The following AXL variants were observed in gnomAD, a reference collection of about 807,000 sequenced individuals.
AXL encodes tyrosine-protein kinase receptor UFO.
A neutral mutation model predicts 104.5 loss-of-function variants in AXL; 52 were observed. The ratio of observed to expected loss-of-function variants is 0.50; its 90% CI spans 0.40 to 0.63. AXL has a LOEUF of 0.63. Ranked by LOEUF, AXL falls within the 20% of genes least tolerant of loss-of-function variation. The pLI is 0.00. For synonymous variants in AXL, 455 were observed against 473.7 expected (o/e 0.96, Z 0.51); for missense variants, 1,024 against 1,188.5 (o/e 0.86, Z 2.04).
rs2034517693 is a variant in AXL at position 41,260,298 on chromosome 19, C to CATTTTTTTTTTTTTTTTTTT, written c.*394_*395insATTTTTTTTTTTTTTTTTTT. ...TAAAGTGCTAAGGTTCTAAGGCCTACTTTTTTTTTTTTTTTTTTTTTTTTT... is the reference window on the plus strand; with the variant it reads ...TAAAGTGCTAAGGTTCTAAGGCCTACATTTTTTTTTTTTTTTTTTTTTTTTTTTTTTTTTTTTTTTTTTTT... On this transcript the variant is annotated 3_prime_UTR_variant, in exon 20 of 20. Transcript: ENST00000301178. The CATTTTTTTTTTTTTTTTTTT allele has an allele frequency of 2.1e-5, 1 of 48,572 alleles. No homozygotes were observed. The allele number at this position is 48,572 out of a possible 1,614,324, so 3.0% of individuals were successfully genotyped here.
chr19:41,255,432 CT>C (rs1198856393), intron 17 of AXL, among the ~76,000 whole-genome samples: 2 of 147,632 alleles, frequency 1.4e-5, no homozygotes, highest in Non-Finnish European at 3.0e-5. Context: ...CTTTCTTTCC[CT>C]TTTTTTCTTT....
In AXL at chr19:41,259,793, T is replaced by C. The variant is rs758047598; in HGVS notation, c.2574T>C (p.Ala858=). 6.2e-6 allele frequency: 10 copies of C among 1,614,128 alleles called. 2 individuals carry two copies. The South Asian group carries it at 1.1e-4, about 18-fold the overall frequency. The part of the protein sequence containing the change: ...PKDSCSCLTA[A]EVHPAGRYVL... ...ATTCCTGTAGCTGCCTCACTGCGGC[T>C]GAGGTCCATCCTGCTGGACGCTATG... The change falls in exon 20 of 20, where the codon GCT becomes GCC. Residue 858 remains alanine, a synonymous_variant. Transcript: ENST00000301178.
chr19:41,248,843 G>A (rs1445701069), intron 14 of AXL, 23 bp downstream of exon 14: 71 of 1,580,716 alleles, frequency 4.5e-5, no homozygotes, highest in Non-Finnish European at 6.1e-5. Context: ...CACATGTGTA[G>A]GACCCCCAGC....
intron 13 of AXL, 62 bp from the exon 14 acceptor site, chr19:41,248,681 C>G: frequency 6.2e-7 from 1 of 1,611,702 alleles, no homozygotes; most frequent in Non-Finnish European, 8.5e-7. Flanking sequence ...TCCCACCCAA[C>G]TATAGGAAAT....
chr19:41,257,431 TGG>T, intron 18 of AXL, 60 bp from the exon 19 acceptor site: 1 of 1,605,642 alleles, frequency 6.2e-7, no homozygotes. Context: ...CCCATGAACC[TGG>T]GTATTGGTGC....
chr19:41,221,330 C>G, intron 3 of AXL, 84 bp downstream of exon 3: 1 of 940,688 alleles, frequency 1.1e-6, no homozygotes, highest in Non-Finnish European at 1.5e-6. Context: ...CCTGAGGGGT[C>G]AAGGTCAAAG....
chr19:41,245,504 C>T (rs78797834), intron 12 of AXL, among the ~76,000 whole-genome samples: 2,662 of 152,146 alleles, frequency 0.017, 88 homozygotes, highest in African/African-American at 0.061. Flanking sequence ...CGGGCAGACA[C>T]TTGAGGTCAG....
At chr19:41,256,397 T>C in intron 17 of AXL, 55 bp from the exon 18 acceptor site, 15 of 1,585,752 alleles carry the variant, frequency 9.5e-6, no homozygotes, top group Middle Eastern at 1.7e-4. Context: ...CAGGGCAGGC[T>C]TCCTGGTGGA....
chr19:41,257,941 A>G (rs1223953014), intron 19 of AXL, among the ~76,000 whole-genome samples: 1 of 152,240 alleles, frequency 6.6e-6, no homozygotes, highest in Non-Finnish European at 1.5e-5. Context: ...CCTTTGGGAC[A>G]TGCACTCCCA....
chr19:41,221,169 A>C lies in AXL; in HGVS notation c.332A>C (p.Asp111Ala), dbSNP rs750304890. The C allele has an allele frequency of 3.6e-5, 58 of 1,613,724 alleles. No individual in the cohort carries two copies. The South Asian group carries it at 6.3e-4, about 17-fold the overall frequency. Residue 111 changes from aspartate (D) to alanine (A), a missense_variant, in exon 3 of 20, where the codon GAC (aspartate) becomes GCC (alanine). Physicochemically the swap from Asp to Ala is moderately radical, Grantham distance 126 (BLOSUM62 -2). This residue lies in a region of AXL where 41 missense variants were observed against 76.2 expected (regional missense o/e 0.54). Coordinates refer to ENST00000301178, the MANE Select transcript of AXL (RefSeq NM_021913.5). ...AGAATCACCTCCCTGCAGCTTTCCG[A>C]CACGGGACAGTACCAGTGTTTGGTG... is the stretch of plus-strand genomic sequence containing the variant. The part of the protein sequence containing the change: ...QLRITSLQLS[D>A]TGQYQCLVFL...
chr19:41,249,553 C>T (rs1380191009), intron 14 of AXL, among the ~76,000 whole-genome samples: 3 of 152,000 alleles, frequency 2.0e-5, no homozygotes, highest in Non-Finnish European at 4.4e-5. Context: ...GTCAGGAGTT[C>T]GAGACTGGCC....
intron 10 of AXL, among the ~76,000 whole-genome samples, chr19:41,240,777 G>A (rs2034168363): frequency 1.3e-5 from 2 of 152,018 alleles, no homozygotes; most frequent in South Asian, 2.1e-4. Context: ...TGCACACCTT[G>A]TATGCACTTA....
chr19:41,227,264 G>C (rs1011258503), intron 4 of AXL, among the ~76,000 whole-genome samples: 1 of 152,024 alleles, frequency 6.6e-6, no homozygotes, highest in Non-Finnish European at 1.5e-5. Flanking sequence ...CTGAAACAAT[G>C]AATAATACTA....
intron 6 of AXL, among the ~76,000 whole-genome samples, chr19:41,236,786 G>GA (rs56927752): frequency 1.0e-3 from 136 of 132,024 alleles, no homozygotes; most frequent in Admixed American, 2.1e-3. Context: ...CCAAAAAAAG[G>GA]AAAAAAAAAA....
chr19:41,239,464 C>T, intron 9 of AXL, 150 bp downstream of exon 9: 1 of 1,223,762 alleles, frequency 8.2e-7, no homozygotes, highest in Admixed American at 2.3e-5. Flanking sequence ...TTACCCATGC[C>T]AACCCCTCAC....
chr19:41,220,629 C>G lies in AXL; in HGVS notation c.86-7C>G, dbSNP rs2033772958. On this transcript the variant is annotated splice_polypyrimidine_tract_variant and splice_region_variant and intron_variant, in intron 1 of 19. Coordinates refer to ENST00000301178, the MANE Select transcript of AXL (RefSeq NM_021913.5). ...TCCTAAGCTAACTCTTCCCATCTCC[C>G]CTCCAGGCACGCAGGCTGAAGAAAG... 1 of 1,560,764 alleles carries G rather than the reference C, an allele frequency of 6.4e-7. No homozygotes were observed. Among genetic ancestry groups the G allele is most frequent in the Admixed American group, 1.9e-5 (1 of 51,814 alleles).
intron 3 of AXL, chr19:41,221,649 A>AAGAG: frequency 1.8e-6 from 1 of 554,096 alleles, no homozygotes; most frequent in Admixed American, 3.5e-5. Context: ...GACATTCTGG[A>AAGAG]AGAGAGACAT....
intron 6 of AXL, among the ~76,000 whole-genome samples, chr19:41,234,850 G>A (rs1184836043): frequency 6.6e-6 from 1 of 152,208 alleles, no homozygotes; most frequent in Non-Finnish European, 1.5e-5. Context: ...AGGGTGAAGG[G>A]GAAGCCCTTG....
chr19:41,239,013 G>A lies in AXL; in HGVS notation c.1135-151G>A. ...TGGAGGGATACAGGTTAAAGGATGA[G>A]GATGAGAGATGAAGGGGAGGACGAG... On this transcript the variant is annotated intron_variant, in intron 8 of 19. Transcript: ENST00000301178. 6 of 888,158 alleles carry A rather than the reference G, an allele frequency of 6.8e-6. No individual in the cohort carries two copies. The South Asian group carries it at 8.5e-5, about 13-fold the overall frequency. The allele number at this position is 888,158 out of a possible 1,614,324, so 55.0% of individuals were successfully genotyped here.
Sources: gnomAD v4.1 joint callset for allele counts (sites outside exome capture counted in the v4.1 genomes callset) on GRCh38, gnomAD v4.1.1 for gene constraint, gnomAD v4.1.1 regional missense constraint, MANE v1.5 for transcripts, NCBI Gene and HGNC (gene_info 2026-07-23, HGNC 2026-07-21) for gene names.